Variants in AGBL4 observed in about 807,000 individuals in gnomAD.
AGBL4 encodes cytosolic carboxypeptidase 6.
AGBL4 carries 58 observed loss-of-function variants against 66.4 expected under a neutral mutation model. The observed-to-expected ratio is 0.87, with a 90% CI of 0.71 to 1.09. The LOEUF is 1.09. Ranked by LOEUF, AGBL4 falls within the 50% of genes least tolerant of loss-of-function variation. The probability of loss-of-function intolerance (pLI) is 0.00; values close to 1 mark genes in which losing one functional copy is unlikely to be tolerated. For missense variants in AGBL4, 579 were observed against 631.0 expected (o/e 0.92, Z 0.88); for synonymous variants, 234 against 222.9 (o/e 1.05, Z -0.44).
chr1:49,756,921 G>A (rs556994239), intron 2 of AGBL4, among the ~76,000 whole-genome samples: 27 of 152,160 alleles, frequency 1.8e-4, no homozygotes, highest in South Asian at 4.2e-4. Flanking sequence ...AAACAAATAC[G>A]GTAAAGTGGG....
intron 1 of AGBL4, among the ~76,000 whole-genome samples, chr1:49,934,589 T>C (rs187891365): frequency 1.3e-3 from 196 of 151,910 alleles, no homozygotes; most frequent in Non-Finnish European, 2.3e-3. Flanking sequence ...AAAAGGAAAA[T>C]CAAAAATTAT....
intron 2 of AGBL4, among the ~76,000 whole-genome samples, chr1:49,766,429 C>A (rs1571520268): frequency 6.6e-6 from 1 of 152,152 alleles, no homozygotes; most frequent in African/African-American, 2.4e-5. Context: ...ACAAGAGAAC[C>A]TAAAGGGAGT....
At chr1:49,707,367 CTTTTTTTT>C (rs34368394) in intron 2 of AGBL4, among the ~76,000 whole-genome samples, 1 of 76,218 alleles carries the variant, frequency 1.3e-5, no homozygotes, top group African/African-American at 5.1e-5. Context: ...GCAACCCCTG[CTTTTTTTT>C]TTTTTTTTTT....
intron 2 of AGBL4, among the ~76,000 whole-genome samples, chr1:49,762,523 C>T (rs1386169108): frequency 6.6e-6 from 1 of 151,946 alleles, no homozygotes; most frequent in Non-Finnish European, 1.5e-5. Context: ...CTCCATTCTC[C>T]TGCCTCAGCC....
intron 3 of AGBL4, among the ~76,000 whole-genome samples, chr1:49,557,519 T>C (rs1643933721): frequency 6.6e-6 from 1 of 152,092 alleles, no homozygotes; most frequent in African/African-American, 2.4e-5. Flanking sequence ...AGGGCTGTCC[T>C]CTTAGAGCAG....
At chr1:48,543,939 G>T (rs1644118281) in intron 11 of AGBL4, among the ~76,000 whole-genome samples, 1 of 152,178 alleles carries the variant, frequency 6.6e-6, no homozygotes, top group Non-Finnish European at 1.5e-5. Context: ...GCACTGTCAG[G>T]ACTCAAACCC....
chr1:48,761,480 A>G (rs565531770), intron 6 of AGBL4: 8 of 1,549,090 alleles, frequency 5.2e-6, no homozygotes, highest in South Asian at 3.6e-5. Flanking sequence ...TCTAAAATGC[A>G]TATCAAGAGA....
chr1:48,610,235 G>A (rs1645216127), intron 9 of AGBL4, among the ~76,000 whole-genome samples: 1 of 152,204 alleles, frequency 6.6e-6, no homozygotes, highest in African/African-American at 2.4e-5. Context: ...ATTGGACAGT[G>A]AGCTGCCTGA....
intron 3 of AGBL4, among the ~76,000 whole-genome samples, chr1:49,523,125 T>C (rs1650395498): frequency 6.6e-6 from 1 of 152,132 alleles, no homozygotes; most frequent in African/African-American, 2.4e-5. Context: ...GATCATTCCA[T>C]TAACTCCTGA....
At chr1:49,556,072 A>G (rs918941758) in intron 3 of AGBL4, among the ~76,000 whole-genome samples, 2 of 152,176 alleles carry the variant, frequency 1.3e-5, no homozygotes, top group Non-Finnish European at 2.9e-5. Context: ...ATAAAGACAC[A>G]TGCACACGTA....
chr1:49,980,141 TG>T (rs1252418967), intron 1 of AGBL4, among the ~76,000 whole-genome samples: 1 of 152,054 alleles, frequency 6.6e-6, no homozygotes, highest in Non-Finnish European at 1.5e-5. Context: ...AGTAAAGTTT[TG>T]GGGGGGTCTA....
chr1:48,603,879 G>A (rs1365249415), intron 9 of AGBL4, among the ~76,000 whole-genome samples: 1 of 152,112 alleles, frequency 6.6e-6, no homozygotes, highest in Non-Finnish European at 1.5e-5. Flanking sequence ...ACCGAGGTAG[G>A]TGGATCACCT....
intron 3 of AGBL4, among the ~76,000 whole-genome samples, chr1:49,488,728 T>C (rs1435604676): frequency 6.6e-6 from 1 of 151,874 alleles, no homozygotes; most frequent in African/African-American, 2.4e-5. Flanking sequence ...TTATCTTCTG[T>C]CTACTCTCCA....
intron 4 of AGBL4, among the ~76,000 whole-genome samples, chr1:49,128,375 A>T (rs1306808760): frequency 6.6e-6 from 1 of 152,086 alleles, no homozygotes; most frequent in Non-Finnish European, 1.5e-5. Context: ...TAATTTATAT[A>T]GCAATGCAAA....
intron 2 of AGBL4, among the ~76,000 whole-genome samples, chr1:49,829,078 A>G (rs1645587062): frequency 1.3e-5 from 2 of 152,044 alleles, no homozygotes; most frequent in South Asian, 2.1e-4. Flanking sequence ...CAAAAAAAAA[A>G]AAAGAAAGAA....
intron 2 of AGBL4, among the ~76,000 whole-genome samples, chr1:49,770,251 C>G (rs983749681): frequency 1.3e-5 from 2 of 152,160 alleles, no homozygotes; most frequent in Non-Finnish European, 2.9e-5. Context: ...AGAATTTTCT[C>G]AAATGCTTTT....
chr1:49,738,610 A>G (rs989851187), intron 2 of AGBL4, among the ~76,000 whole-genome samples: 34 of 152,298 alleles, frequency 2.2e-4, no homozygotes, highest in African/African-American at 8.2e-4. Flanking sequence ...CTGCCTCCTC[A>G]AGTGGGTCCT....
chr1:49,973,644 T>G (rs1658324165), intron 1 of AGBL4, among the ~76,000 whole-genome samples: 1 of 148,400 alleles, frequency 6.7e-6, no homozygotes, highest in Admixed American at 6.8e-5. Flanking sequence ...ATATATATCA[T>G]AAATAATTAT....
At chr1:48,776,560 CAG>C in intron 6 of AGBL4, 3 of 1,336,770 alleles carry the variant, frequency 2.2e-6, no homozygotes, top group Non-Finnish European at 1.9e-6. Flanking sequence ...CCCGGGGTCC[CAG>C]CCCCCGCCCG....
Sources: gnomAD v4.1 joint callset for allele counts (sites outside exome capture counted in the v4.1 genomes callset) on GRCh38, gnomAD v4.1.1 for gene constraint, MANE v1.5 for transcripts, NCBI Gene and HGNC (gene_info 2026-07-23, HGNC 2026-07-21) for gene names.